Variants in SPIDR observed in about 807,000 individuals in gnomAD.
SPIDR encodes scaffold protein involved in DNA repair.
Under a neutral mutation model 104.6 loss-of-function variants are expected in SPIDR, and 93 were observed. That is an observed-to-expected ratio of 0.89 (90% CI 0.75 to 1.06). The LOEUF (loss-of-function observed/expected upper bound fraction) is 1.06. SPIDR is among the 50% of genes least tolerant of loss of function. SPIDR has a pLI of 0.00. For missense variants in SPIDR, 1,154 were observed against 1,111.2 expected (o/e 1.04, Z -0.55); for synonymous variants, 431 against 416.9 (o/e 1.03, Z -0.41).
At chr8:47,489,036 C>G (rs2078200383) in intron 8 of SPIDR, among the ~76,000 whole-genome samples, 1 of 152,096 alleles carries the variant, frequency 6.6e-6, no homozygotes. Flanking sequence ...AAAGGGTATT[C>G]AATTAGGAAA....
At chr8:47,464,900 C>T (rs1449152036) in intron 8 of SPIDR, among the ~76,000 whole-genome samples, 1 of 152,070 alleles carries the variant, frequency 6.6e-6, no homozygotes, top group African/African-American at 2.4e-5. Flanking sequence ...TCCCAAGTAG[C>T]TGGGACTAGA....
rs183629395 is a variant in SPIDR, at chr8:47,402,268, A to G, written c.777-5593A>G. 5.9e-5 allele frequency among the ~76,000 whole-genome samples: 9 copies of G among 152,268 alleles called. No homozygotes were observed. The East Asian group carries it at 1.2e-3, about 20-fold the overall frequency. On this transcript the variant is annotated intron_variant, in intron 6 of 19. Transcript: ENST00000297423. Reference sequence around the variant, plus strand: ...GAGAAAGCAGGAAAGATCTAAAATTAACACCCTAACATCACAATTAACAGA... The same window carrying G: ...GAGAAAGCAGGAAAGATCTAAAATTGACACCCTAACATCACAATTAACAGA...
At chr8:47,563,037 C>CTTTT (rs75347314) in intron 8 of SPIDR, among the ~76,000 whole-genome samples, 1 of 134,884 alleles carries the variant, frequency 7.4e-6, no homozygotes, top group Non-Finnish European at 1.6e-5. Context: ...ACTCTTTTCT[C>CTTTT]TTTTTTTTTT....
chr8:47,345,623 T>C (rs571444571), intron 5 of SPIDR, among the ~76,000 whole-genome samples: 9 of 152,220 alleles, frequency 5.9e-5, no homozygotes, highest in Non-Finnish European at 1.2e-4. Context: ...TTTGTTTGTG[T>C]CCTCTTTTAT....
chr8:47,691,498 G>A (rs1421056005), intron 11 of SPIDR, among the ~76,000 whole-genome samples: 3 of 152,114 alleles, frequency 2.0e-5, no homozygotes, highest in Non-Finnish European at 4.4e-5. Flanking sequence ...GCTGCTCCAG[G>A]ACACACCAGA....
At chr8:47,681,573 G>A (rs921506445) in intron 11 of SPIDR, among the ~76,000 whole-genome samples, 5 of 152,082 alleles carry the variant, frequency 3.3e-5, no homozygotes, top group African/African-American at 4.8e-5. Flanking sequence ...AATAGAGATC[G>A]TGACTTATTT....
intron 5 of SPIDR, among the ~76,000 whole-genome samples, chr8:47,323,241 C>T (rs68056809): frequency 0.031 from 4,769 of 152,068 alleles, 115 homozygotes; most frequent in Middle Eastern, 0.082. Flanking sequence ...AATTTCTGGT[C>T]GAAATTTGCA....
intron 7 of SPIDR, among the ~76,000 whole-genome samples, chr8:47,435,226 C>G (rs2068071252): frequency 6.6e-6 from 1 of 152,034 alleles, no homozygotes; most frequent in Non-Finnish European, 1.5e-5. Context: ...TCTTGAACTC[C>G]TGGCCTCGAG....
chr8:47,305,709 A>G (rs1009165405), intron 5 of SPIDR, among the ~76,000 whole-genome samples: 4 of 152,198 alleles, frequency 2.6e-5, no homozygotes, highest in African/African-American at 9.7e-5. Flanking sequence ...AATCGGTTTT[A>G]ATAGTGAGTT....
intron 8 of SPIDR, among the ~76,000 whole-genome samples, chr8:47,466,878 G>T (rs1331685813): frequency 1.3e-5 from 1 of 78,252 alleles, no homozygotes; most frequent in Non-Finnish European, 2.6e-5. Context: ...CTAGGAGTTA[G>T]TTTTTTTTGA....
At chr8:47,655,555 C>T (rs1422308681) in intron 10 of SPIDR, among the ~76,000 whole-genome samples, 1 of 152,180 alleles carries the variant, frequency 6.6e-6, no homozygotes. Context: ...ATCCTTCGCC[C>T]ACTTTTTGAT....
intron 10 of SPIDR, among the ~76,000 whole-genome samples, chr8:47,617,400 A>G (rs2154433565): frequency 6.6e-6 from 1 of 152,316 alleles, no homozygotes; most frequent in Middle Eastern, 3.4e-3. Flanking sequence ...CTTTGAAGTC[A>G]ACTGTTATTC....
chr8:47,719,999 G>A (rs1222607943), intron 16 of SPIDR, among the ~76,000 whole-genome samples: 1 of 152,160 alleles, frequency 6.6e-6, no homozygotes, highest in Non-Finnish European at 1.5e-5. Flanking sequence ...TAAAAATCCT[G>A]TGCTCTGGCT....
At chr8:47,473,242 T>A (rs2075922006) in intron 8 of SPIDR, among the ~76,000 whole-genome samples, 1 of 152,252 alleles carries the variant, frequency 6.6e-6, no homozygotes, top group Non-Finnish European at 1.5e-5. Context: ...GTTCACAGCT[T>A]AGAAGCATAA....
chr8:47,622,070 T>C (rs2065242165), intron 10 of SPIDR, among the ~76,000 whole-genome samples: 2 of 152,050 alleles, frequency 1.3e-5, no homozygotes, highest in Admixed American at 1.3e-4. Context: ...ATCCAAGTAG[T>C]GTCTTAGTGG....
rs766976125 is a variant in SPIDR at position 47,707,990 on chromosome 8, TA to T, written c.1978-4671del. On this transcript the variant is annotated intron_variant, in intron 14 of 19. Transcript: ENST00000297423. ...TTATTACTAGCATTATAGGTGTCTATATCATCTATGCTTAAATACTTTTCCT... is the reference window on the plus strand; with the variant it reads ...TTATTACTAGCATTATAGGTGTCTATTCATCTATGCTTAAATACTTTTCCT... Among the ~76,000 whole-genome samples, 5 of 152,230 alleles carry T rather than the reference TA, an allele frequency of 3.3e-5. 1 individual carries two copies. In the East Asian group the frequency reaches 9.6e-4, roughly 29 times the overall value.
At chr8:47,523,761 G>A (rs1489589374) in intron 8 of SPIDR, among the ~76,000 whole-genome samples, 1 of 152,188 alleles carries the variant, frequency 6.6e-6, no homozygotes, top group Non-Finnish European at 1.5e-5. Flanking sequence ...TGATCAGGCC[G>A]CAGCCTTCTC....
At chr8:47,325,708 CAG>C (rs1333597167) in intron 5 of SPIDR, among the ~76,000 whole-genome samples, 1 of 152,164 alleles carries the variant, frequency 6.6e-6, no homozygotes, top group Non-Finnish European at 1.5e-5. Context: ...ACATTCGAGA[CAG>C]AGTTATGTGA....
At chr8:47,581,896 G>C (rs562827599) in intron 8 of SPIDR, among the ~76,000 whole-genome samples, 2 of 152,090 alleles carry the variant, frequency 1.3e-5, no homozygotes, top group Non-Finnish European at 2.9e-5. Flanking sequence ...CAGTAAACAA[G>C]CAAATCGATC....
Sources: allele counts gnomAD v4.1 joint callset (sites outside exome capture counted in the v4.1 genomes callset), GRCh38; gene constraint gnomAD v4.1.1; transcripts MANE v1.5; gene names NCBI Gene and HGNC (gene_info 2026-07-23, HGNC 2026-07-21).